Variants in CLTCL1 observed in about 807,000 individuals in gnomAD.
The protein encoded by CLTCL1 is clathrin heavy chain like 1.
A neutral mutation model predicts 190.0 loss-of-function variants in CLTCL1; 159 were observed. The ratio of observed to expected loss-of-function variants is 0.84; its 90% CI spans 0.74 to 0.95. The LOEUF (loss-of-function observed/expected upper bound fraction) is 0.95, where lower values mean the gene tolerates loss of function less well. Ranked by LOEUF, CLTCL1 falls within the 40% of genes least tolerant of loss-of-function variation. CLTCL1 has a pLI of 0.00. For synonymous variants in CLTCL1, 752 were observed against 769.6 expected, an observed-to-expected ratio of 0.98 and a Z score of 0.38; for missense variants, 1,878 against 2,033.4, an observed-to-expected ratio of 0.92 and a Z score of 1.47.
intron 31 of CLTCL1, among the ~76,000 whole-genome samples, 157 bp downstream of exon 31, chr22:19,180,574 G>A (rs2800974): frequency 0.75 from 114,238 of 152,120 alleles, 44,124 homozygotes; most frequent in East Asian, 0.94. Context: ...ACATTCCTGG[G>A]CGTACACTTC....
chr22:19,230,956 C>G (rs1202341459), intron 10 of CLTCL1, among the ~76,000 whole-genome samples: 3 of 152,200 alleles, frequency 2.0e-5, no homozygotes, highest in Non-Finnish European at 4.4e-5. Flanking sequence ...CTCTCTTTCT[C>G]CTGGAGCTGG....
At chr22:19,230,692 C>A (rs373593470) in intron 10 of CLTCL1, among the ~76,000 whole-genome samples, 1 of 152,110 alleles carries the variant, frequency 6.6e-6, no homozygotes, top group East Asian at 1.9e-4. Context: ...AACATATGAA[C>A]CCCCAAGCAG....
At chr22:19,216,052 G>A (rs1399129903) in intron 19 of CLTCL1, 59 bp downstream of exon 19, 6 of 1,543,698 alleles carry the variant, frequency 3.9e-6, no homozygotes, top group Non-Finnish European at 5.3e-6. Flanking sequence ...CAGAAGATGA[G>A]TATCAAGCAG....
At chr22:19,286,664 A>C (rs2087919076) in intron 1 of CLTCL1, among the ~76,000 whole-genome samples, 1 of 152,136 alleles carries the variant, frequency 6.6e-6, no homozygotes, top group Non-Finnish European at 1.5e-5. Flanking sequence ...CTCAATCTAC[A>C]CCTTCACAGT....
intron 23 of CLTCL1, 145 bp downstream of exon 23, chr22:19,201,184 G>T: frequency 1.0e-6 from 1 of 988,184 alleles, no homozygotes; most frequent in Non-Finnish European, 1.4e-6. Flanking sequence ...ACAAACACTA[G>T]CCTAGAGACT....
chr22:19,225,078 G>A (rs1158899263), intron 13 of CLTCL1, among the ~76,000 whole-genome samples: 1 of 152,152 alleles, frequency 6.6e-6, no homozygotes, highest in Non-Finnish European at 1.5e-5. Context: ...TCTCATTTAG[G>A]AGAGGCCCAA....
intron 19 of CLTCL1, 100 bp downstream of exon 19, chr22:19,216,011 G>T: frequency 8.4e-7 from 1 of 1,190,420 alleles, no homozygotes; most frequent in Non-Finnish European, 1.2e-6. Flanking sequence ...CAATGGGCAG[G>T]CTGGATGGGT....
Position 19,291,106 on chromosome 22 carries a change from G to A in CLTCL1, c.42+494C>T, listed in dbSNP as rs199500717. On this transcript the variant is annotated intron_variant, in intron 1 of 32. Transcript: ENST00000427926. ...TTTGGGGGTGTTACTGCATTGAAAA[G>A]CCCTATTTAGGCTTGGCCCTGAGAA... is the stretch of plus-strand genomic sequence containing the variant. 1.6e-4 allele frequency among the ~76,000 whole-genome samples: 24 copies of A among 152,350 alleles called. No individual in the cohort carries two copies. In the East Asian group the frequency reaches 4.6e-3, roughly 29 times the overall value.
chr22:19,237,403 G>C (rs1364574079), intron 5 of CLTCL1, among the ~76,000 whole-genome samples: 2 of 152,158 alleles, frequency 1.3e-5, no homozygotes, highest in Non-Finnish European at 2.9e-5. Context: ...CATCAATTCT[G>C]CCTTGATGGT....
At chr22:19,258,949 T>A (rs1555974199) in intron 2 of CLTCL1, 1 of 360,816 alleles carries the variant, frequency 2.8e-6, no homozygotes, top group Non-Finnish European at 5.1e-6. Flanking sequence ...TTGCAATGAT[T>A]TTTTTGGATA....
chr22:19,184,794 T>C, intron 29 of CLTCL1: 2 of 340,604 alleles, frequency 5.9e-6, no homozygotes, highest in South Asian at 2.2e-5. Context: ...TCCCAGTCAG[T>C]GTCCCGCTCC....
At position 19,242,897 on chromosome 22, in the gene CLTCL1, C is replaced by A; in HGVS notation, c.559G>T (p.Asp187Tyr). The change falls in exon 4 of 33, where the codon GAT becomes TAT. Residue 187 changes from aspartate (D) to tyrosine (Y), a missense_variant. By Grantham distance (160) the Asp-to-Tyr change is radical. Transcript: ENST00000427926. ...TCTATGGGTTGTGAAACCTTCCTAT[C>A]CACAGAGTAGAGCTGCATTGCTCCA... The part of the protein sequence containing the change: ...VVGAMQLYSV[D>Y]RKVSQPIEGH... The A allele has an allele frequency of 6.2e-7, 1 of 1,613,878 alleles. No individual in the cohort carries two copies. The highest frequency in any genetic ancestry group is 8.5e-7 in the Non-Finnish European group (1 of 1,179,876).
chr22:19,252,313 C>T (rs909134741), intron 3 of CLTCL1, among the ~76,000 whole-genome samples: 24 of 152,156 alleles, frequency 1.6e-4, no homozygotes, highest in Admixed American at 1.6e-3. Context: ...TGCAGTCTGG[C>T]CCCCAATCAT....
chr22:19,202,751 T>C (rs1215226753), intron 22 of CLTCL1, among the ~76,000 whole-genome samples: 1 of 152,162 alleles, frequency 6.6e-6, no homozygotes, highest in African/African-American at 2.4e-5. Context: ...CATATCTCCT[T>C]CTCTTCTCAA....
In CLTCL1 at chr22:19,224,054, C is replaced by G. The variant is rs1555954304; in HGVS notation, c.2129G>C (p.Gly710Ala). The change falls in exon 14 of 33, where the codon GGC becomes GCC. Residue 710 changes from glycine (G) to alanine (A), a missense_variant and splice_region_variant. By Grantham distance (60) the Gly-to-Ala change is moderately conservative. Transcript: ENST00000427926. ...ELFESFKSYK[G>A]LFYFLGSIVN... ...GATTGAGCCCAGGAAGTAGAAGAGG[C>G]CTATGAAGAGAGACCATTCCATTTT... The G allele has an allele frequency of 1.9e-6, 3 of 1,613,736 alleles. No homozygotes were observed. The highest frequency in any genetic ancestry group is 1.7e-5 in the Admixed American group (1 of 59,980).
At chr22:19,204,713 G>A (rs1387027300) in intron 22 of CLTCL1, among the ~76,000 whole-genome samples, 3 of 152,182 alleles carry the variant, frequency 2.0e-5, no homozygotes, top group Non-Finnish European at 4.4e-5. Context: ...GGAAACGCAG[G>A]GAAAATGAGT....
chr22:19,221,503 G>A lies in CLTCL1; in HGVS notation c.2670C>T (p.Pro890=), dbSNP rs782193926. The A allele has an allele frequency of 1.0e-5, 16 of 1,602,608 alleles. No individual in the cohort carries two copies. Among genetic ancestry groups the A allele is most frequent in the East Asian group, 6.7e-5 (3 of 44,508 alleles). ...AGGCATTCTCTCTCAGGAAGCACTC[G>A]GGGCTGTTGTTGCTGTCGATGTAGA... is the stretch of plus-strand genomic sequence containing the variant. ...AKIYIDSNNS[P]ECFLRENAYY... Residue 890 remains proline, a synonymous_variant, in exon 17 of 33, where the codon CCC becomes CCT. Transcript: ENST00000427926.
At chr22:19,205,465 G>A (rs974841487) in intron 22 of CLTCL1, among the ~76,000 whole-genome samples, 3 of 152,224 alleles carry the variant, frequency 2.0e-5, no homozygotes, top group East Asian at 1.9e-4. Flanking sequence ...AGCTGAGATC[G>A]TGCCACTGCA....
At chr22:19,257,699 G>T in intron 2 of CLTCL1, 2 of 873,898 alleles carry the variant, frequency 2.3e-6, no homozygotes, top group Non-Finnish European at 3.3e-6. Flanking sequence ...GTGGCTTGGG[G>T]TCCAGGGCCC....
Sources: gnomAD v4.1 joint callset for allele counts (sites outside exome capture counted in the v4.1 genomes callset) on GRCh38, gnomAD v4.1.1 for gene constraint, MANE v1.5 for transcripts, NCBI Gene and HGNC (gene_info 2026-07-23, HGNC 2026-07-21) for gene names.